Variants in PCDHA6 observed in about 807,000 individuals in gnomAD.
The protein encoded by PCDHA6 is protocadherin alpha-6.
Under a neutral mutation model 60.3 loss-of-function variants are expected in PCDHA6, and 55 were observed. That is an observed-to-expected ratio of 0.91 (90% CI 0.73 to 1.14). The LOEUF is 1.14. Ranked by LOEUF, PCDHA6 falls within the 50% of genes most tolerant of loss-of-function variation. The probability of loss-of-function intolerance (pLI) is 0.00; values close to 1 mark genes in which losing one functional copy is unlikely to be tolerated. For synonymous variants in PCDHA6, 652 were observed against 557.9 expected, an observed-to-expected ratio of 1.17 and a Z score of -2.38; for missense variants, 1,327 against 1,256.5, an observed-to-expected ratio of 1.06 and a Z score of -0.85.
At chr5:140,835,237 T>C (rs1271413656) in intron 1 of PCDHA6, 1 of 1,599,540 alleles carries the variant, frequency 6.3e-7, no homozygotes, top group Non-Finnish European at 8.5e-7. Context: ...TCCAGTGATG[T>C]TTCTCCAGAT....
rs201945218 is a variant in PCDHA6 at position 140,849,444 on chromosome 5, A to C, written c.2394+18959A>C. On this transcript the variant is annotated intron_variant, in intron 1 of 3. Transcript: ENST00000529310. Reference sequence around the variant, plus strand: ...GGATTTTGAAGAAAGTAGAGCACACAAGATCCCAGTCGAGGCTGTCGATAA... The same window carrying C: ...GGATTTTGAAGAAAGTAGAGCACACCAGATCCCAGTCGAGGCTGTCGATAA... The C allele has an allele frequency of 1.8e-4, 290 of 1,585,348 alleles. 21 individuals carry two copies. The highest frequency in any genetic ancestry group is 2.4e-4 in the Non-Finnish European group (278 of 1,160,480).
intron 1 of PCDHA6, chr5:140,852,045 G>A: frequency 2.2e-6 from 2 of 919,488 alleles, no homozygotes; most frequent in Non-Finnish European, 2.6e-6. Flanking sequence ...TTTTTGTTAT[G>A]TGGTTTATAT....
chr5:140,833,279 A>C (rs1772393333), intron 1 of PCDHA6, among the ~76,000 whole-genome samples: 1 of 152,198 alleles, frequency 6.6e-6, no homozygotes, highest in Non-Finnish European at 1.5e-5. Flanking sequence ...AAACTTATTT[A>C]GGAAAGCATC....
rs2150159691 is a variant in PCDHA6 at position 140,828,847 on chromosome 5, C to A, written c.756C>A (p.Phe252Leu). The A allele has an allele frequency of 6.2e-6, 10 of 1,614,168 alleles. No homozygotes were observed. The highest frequency in any genetic ancestry group is 8.5e-6 in the Non-Finnish European group (10 of 1,180,042). Residue 252 changes from phenylalanine (F) to leucine (L), a missense_variant, in exon 1 of 4, where the codon TTC becomes TTA. Phe to Leu is a conservative substitution (Grantham distance 22). Transcript: ENST00000529310. ...AGTCTGAATACGAAGTAAGAATATT[C>A]GAAAATGCAGACAACGGAACAACAG... ...FEQSEYEVRI[F>L]ENADNGTTVI...
At chr5:140,908,822 C>G (rs2074167872) in intron 1 of PCDHA6, among the ~76,000 whole-genome samples, 1 of 152,136 alleles carries the variant, frequency 6.6e-6, no homozygotes, top group African/African-American at 2.4e-5. Flanking sequence ...TTTTGGGTTA[C>G]TCGATAAATG....
At chr5:140,984,788 T>C (rs2097121100) in intron 3 of PCDHA6, among the ~76,000 whole-genome samples, 1 of 152,292 alleles carries the variant, frequency 6.6e-6, no homozygotes, top group Non-Finnish European at 1.5e-5. Context: ...TGGGTGAGCA[T>C]AGACAAACTG....
intron 3 of PCDHA6, among the ~76,000 whole-genome samples, chr5:140,992,190 A>C (rs1452489619): frequency 1.3e-5 from 2 of 152,134 alleles, no homozygotes; most frequent in African/African-American, 2.4e-5. Flanking sequence ...GCTTTCAGTG[A>C]TCTATCCAAT....
intron 1 of PCDHA6, chr5:140,869,765 A>C (rs376277801): frequency 1.9e-6 from 3 of 1,613,164 alleles, no homozygotes; most frequent in African/African-American, 2.7e-5. Flanking sequence ...GGAAAACCAG[A>C]GCTTACTGGC....
intron 1 of PCDHA6, chr5:140,968,410 T>G: frequency 6.2e-7 from 1 of 1,614,040 alleles, no homozygotes. Context: ...TCTTTGTGAC[T>G]GTGGAGGCTC....
At chr5:140,836,386 C>A in intron 1 of PCDHA6, 1 of 1,613,722 alleles carries the variant, frequency 6.2e-7, no homozygotes, top group Non-Finnish European at 8.5e-7. Context: ...GTGCTGGTGT[C>A]GCTGGTGGAA....
In PCDHA6 at chr5:140,967,411, A is replaced by T. The variant is rs142102675; in HGVS notation, c.2395-11538A>T. The T allele has an allele frequency of 4.6e-5, 74 of 1,613,220 alleles. No individual in the cohort carries two copies. The African/African-American group carries it at 9.5e-4, about 21-fold the overall frequency. On this transcript the variant is annotated intron_variant, in intron 1 of 3. Coordinates refer to ENST00000529310, the MANE Select transcript of PCDHA6 (RefSeq NM_018909.4). The stretch of plus-strand genomic sequence containing the variant: ...TTGAGCTGGTGCTGCGTAAGGGCCT[A>T]GACCGGGAGCAGGCAGCCTTGCACC...
At chr5:140,960,112 T>C (rs145534809) in intron 1 of PCDHA6, among the ~76,000 whole-genome samples, 45 of 152,352 alleles carry the variant, frequency 3.0e-4, no homozygotes, top group Non-Finnish European at 4.3e-4. Flanking sequence ...GTGGGAACAA[T>C]AGTATTCCTT....
intron 1 of PCDHA6, among the ~76,000 whole-genome samples, chr5:140,893,780 C>T (rs966071281): frequency 4.6e-5 from 7 of 151,980 alleles, no homozygotes; most frequent in Admixed American, 6.6e-5. Context: ...TTTCTTTTAC[C>T]GTTTTTAGAA....
At chr5:140,863,295 C>G in intron 1 of PCDHA6, 1 of 1,463,648 alleles carries the variant, frequency 6.8e-7, no homozygotes, top group South Asian at 1.1e-5. Context: ...TGTACCTGAT[C>G]ATCGCCATCT....
intron 1 of PCDHA6, among the ~76,000 whole-genome samples, chr5:140,899,512 G>C (rs4386771): frequency 0.046 from 7,065 of 152,150 alleles, 285 homozygotes; most frequent in African/African-American, 0.11. Flanking sequence ...TGCATATATT[G>C]CATCCCAGGG....
At chr5:140,885,543 G>A (rs1554182177) in intron 1 of PCDHA6, among the ~76,000 whole-genome samples, 2 of 152,092 alleles carry the variant, frequency 1.3e-5, no homozygotes, top group Non-Finnish European at 2.9e-5. Flanking sequence ...CAAAATATTG[G>A]TGTTATTTCT....
chr5:140,877,521 AG>A, intron 1 of PCDHA6: 1 of 1,613,770 alleles, frequency 6.2e-7, no homozygotes, highest in African/African-American at 1.3e-5. Context: ...CGCGGGCCTC[AG>A]TGGGCGCTGT....
intron 3 of PCDHA6, among the ~76,000 whole-genome samples, chr5:140,993,652 T>C (rs1174007185): frequency 6.6e-6 from 1 of 152,172 alleles, no homozygotes; most frequent in Admixed American, 6.5e-5. Flanking sequence ...AATGACACTT[T>C]GGTTAACAAT....
chr5:140,834,570 C>T, intron 1 of PCDHA6: 1 of 1,614,086 alleles, frequency 6.2e-7, no homozygotes, highest in Non-Finnish European at 8.5e-7. Flanking sequence ...GGTGCCGCGC[C>T]TGTTCCGGGC....
Sources: gnomAD v4.1 joint callset for allele counts (sites outside exome capture counted in the v4.1 genomes callset) on GRCh38, gnomAD v4.1.1 for gene constraint, MANE v1.5 for transcripts, NCBI Gene and HGNC (gene_info 2026-07-23, HGNC 2026-07-21) for gene names.